Variants in CMIP observed in about 807,000 individuals in gnomAD.
CMIP encodes the protein C-Maf-inducing protein.
In CMIP, 13 loss-of-function variants were observed where a neutral mutation model predicts 97.3. The ratio of observed to expected loss-of-function variants is 0.13; its 90% CI spans 0.09 to 0.21. CMIP has a LOEUF of 0.21. Ranked by LOEUF, CMIP falls within the 10% of genes least tolerant of loss-of-function variation. The pLI is 1.00. For missense variants in CMIP, 847 were observed against 1,024.9 expected (o/e 0.83, Z 2.37); for synonymous variants, 538 against 436.3 (o/e 1.23, Z -2.91).
chr16:81,458,374 A>G (rs185539291), intron 1 of CMIP, among the ~76,000 whole-genome samples: 37 of 152,266 alleles, frequency 2.4e-4, no homozygotes, highest in Non-Finnish European at 4.1e-4. Flanking sequence ...CACTGCAAAG[A>G]CGAACAGTCT....
chr16:81,476,065 G>T, intron 1 of CMIP: 1 of 735,906 alleles, frequency 1.4e-6, no homozygotes, highest in East Asian at 2.6e-5. Context: ...TCTTCTTGCT[G>T]GTCTTGCCAT....
At chr16:81,702,796 A>G (rs1717664654) in intron 17 of CMIP, 127 bp downstream of exon 17, 2 of 778,158 alleles carry the variant, frequency 2.6e-6, no homozygotes, top group South Asian at 3.0e-5. Context: ...AGGACCCCCT[A>G]GTACTTAACA....
At chr16:81,554,231 T>A (rs190540127) in intron 1 of CMIP, among the ~76,000 whole-genome samples, 5 of 152,358 alleles carry the variant, frequency 3.3e-5, no homozygotes, top group African/African-American at 1.2e-4. Flanking sequence ...TATCTCTGAA[T>A]TAACAAATGC....
intron 1 of CMIP, among the ~76,000 whole-genome samples, chr16:81,493,954 A>G (rs1440923970): frequency 6.6e-6 from 1 of 152,202 alleles, no homozygotes; most frequent in South Asian, 2.1e-4. Context: ...AGTCTTAGGG[A>G]AGATGACTTA....
At chr16:81,707,493 A>G (rs1475305752) in intron 20 of CMIP, among the ~76,000 whole-genome samples, 2 of 152,236 alleles carry the variant, frequency 1.3e-5, no homozygotes, top group African/African-American at 4.8e-5. Context: ...AAGCCCTCAC[A>G]GGTCACAGCA....
chr16:81,691,376 T>A (rs1906049871), intron 10 of CMIP, among the ~76,000 whole-genome samples: 1 of 143,786 alleles, frequency 7.0e-6, no homozygotes. Context: ...AAAGGTTGTG[T>A]CTCCCAGTAC....
chr16:81,580,271 G>A (rs2091273464), intron 1 of CMIP, among the ~76,000 whole-genome samples: 1 of 152,180 alleles, frequency 6.6e-6, no homozygotes, highest in Non-Finnish European at 1.5e-5. Context: ...GAAGCGAGGT[G>A]CCCTATGTCT....
intron 3 of CMIP, chr16:81,630,089 T>C (rs2092133560): frequency 6.6e-6 from 1 of 152,270 alleles, no homozygotes. Context: ...GCTGGCTGTG[T>C]GACCCTGGAC....
intron 1 of CMIP, among the ~76,000 whole-genome samples, chr16:81,565,212 A>G (rs993016091): frequency 6.6e-6 from 1 of 152,172 alleles, no homozygotes; most frequent in Admixed American, 6.5e-5. Context: ...ACTTCAGCCC[A>G]AGATCTGGGC....
At chr16:81,584,043 T>C (rs538646852) in intron 1 of CMIP, among the ~76,000 whole-genome samples, 1 of 152,320 alleles carries the variant, frequency 6.6e-6, no homozygotes, top group African/African-American at 2.4e-5. Context: ...AAGAAGCAGC[T>C]GGCTCTGACC....
chr16:81,534,467 C>T (rs2090302542), intron 1 of CMIP, among the ~76,000 whole-genome samples: 1 of 152,072 alleles, frequency 6.6e-6, no homozygotes, highest in Admixed American at 6.5e-5. Flanking sequence ...AGTTATTACT[C>T]TCCAACTTTT....
chr16:81,660,542 T>C (rs977033015), intron 5 of CMIP, among the ~76,000 whole-genome samples: 8 of 152,206 alleles, frequency 5.3e-5, no homozygotes, highest in African/African-American at 1.9e-4. Context: ...CCCAAAGTGC[T>C]GGGATTACAG....
chr16:81,451,063 A>T (rs953277851), intron 1 of CMIP, among the ~76,000 whole-genome samples: 1 of 151,562 alleles, frequency 6.6e-6, no homozygotes, highest in South Asian at 2.1e-4. Context: ...ATGTAGGTAG[A>T]CCCTCCCCTG....
intron 3 of CMIP, among the ~76,000 whole-genome samples, chr16:81,628,668 A>G (rs2092107713): frequency 6.6e-6 from 1 of 152,090 alleles, no homozygotes; most frequent in Admixed American, 6.5e-5. Context: ...ACATGCATGC[A>G]TGTACACAGA....
chr16:81,583,856 A>C (rs13338112), intron 1 of CMIP, among the ~76,000 whole-genome samples: 8,975 of 152,274 alleles, frequency 0.059, 505 homozygotes, highest in African/African-American at 0.14. Context: ...GAGCAGAGGA[A>C]CAACACATTT....
intron 1 of CMIP, among the ~76,000 whole-genome samples, chr16:81,602,849 C>G (rs1018858068): frequency 7.9e-5 from 12 of 152,340 alleles, no homozygotes; most frequent in Non-Finnish European, 1.6e-4. Context: ...TCCCCTGGAG[C>G]TCCGGTCGTC....
At chr16:81,604,529 C>T (rs1482975944) in intron 1 of CMIP, among the ~76,000 whole-genome samples, 1 of 151,870 alleles carries the variant, frequency 6.6e-6, no homozygotes, top group Non-Finnish European at 1.5e-5. Flanking sequence ...GAAACCCCAT[C>T]TCTACTAAAA....
chr16:81,512,052 G>A (rs564939049), intron 1 of CMIP, among the ~76,000 whole-genome samples: 5 of 152,270 alleles, frequency 3.3e-5, no homozygotes, highest in African/African-American at 1.2e-4. Context: ...ATATGTTGAA[G>A]TGATAATATA....
chr16:81,580,429 C>CT (rs1441840065), intron 1 of CMIP, among the ~76,000 whole-genome samples: 1 of 151,802 alleles, frequency 6.6e-6, no homozygotes, highest in Non-Finnish European at 1.5e-5. Flanking sequence ...TCTTTTCTTT[C>CT]TTTTTTTAAT....
Sources: allele counts gnomAD v4.1 joint callset (sites outside exome capture counted in the v4.1 genomes callset), GRCh38; gene constraint gnomAD v4.1.1; transcripts MANE v1.5; gene names NCBI Gene and HGNC (gene_info 2026-07-23, HGNC 2026-07-21).